The following ANKS1B variants were observed in gnomAD, a reference collection of about 807,000 sequenced individuals.
The protein encoded by ANKS1B is ankyrin repeat and sterile alpha motif domain-containing protein 1B.
Under a neutral mutation model 148.3 loss-of-function variants are expected in ANKS1B, and 36 were observed. The observed-to-expected ratio is 0.24, with a 90% CI of 0.19 to 0.32. The LOEUF (loss-of-function observed/expected upper bound fraction) is 0.32, where lower values mean the gene tolerates loss of function less well. Ranked by LOEUF, ANKS1B falls within the 10% of genes least tolerant of loss-of-function variation. ANKS1B has a pLI of 1.00. For missense variants in ANKS1B, 1,157 were observed against 1,542.6 expected (o/e 0.75, Z 4.19); for synonymous variants, 542 against 560.8 (o/e 0.97, Z 0.47).
intron 9 of ANKS1B, among the ~76,000 whole-genome samples, chr12:99,558,907 C>G (rs2097304823): frequency 6.6e-6 from 1 of 152,196 alleles, no homozygotes; most frequent in African/African-American, 2.4e-5. Flanking sequence ...CTAGGCAGCT[C>G]TCCCTGCCAG....
chr12:99,513,140 A>G (rs904853195), intron 9 of ANKS1B, among the ~76,000 whole-genome samples: 1 of 151,860 alleles, frequency 6.6e-6, no homozygotes, highest in African/African-American at 2.4e-5. Context: ...TCAAGGCAAG[A>G]CCCTCCACCA....
intron 15 of ANKS1B, among the ~76,000 whole-genome samples, chr12:99,123,753 G>A (rs2063558334): frequency 6.6e-6 from 1 of 152,184 alleles, no homozygotes. Flanking sequence ...AGAAGACTCA[G>A]CCAGTCTAGT....
intron 14 of ANKS1B, among the ~76,000 whole-genome samples, chr12:99,234,040 C>G (rs1461020728): frequency 6.6e-6 from 1 of 152,038 alleles, no homozygotes; most frequent in African/African-American, 2.4e-5. Flanking sequence ...AGATTTTATT[C>G]TCCCAATTGT....
intron 1 of ANKS1B, among the ~76,000 whole-genome samples, chr12:99,867,396 G>A (rs2090901287): frequency 6.6e-6 from 1 of 152,080 alleles, no homozygotes; most frequent in Admixed American, 6.6e-5. Flanking sequence ...TCACACTGTT[G>A]ATGAAGACAT....
At chr12:99,906,843 C>T (rs577835386) in intron 1 of ANKS1B, among the ~76,000 whole-genome samples, 3 of 152,064 alleles carry the variant, frequency 2.0e-5, no homozygotes, top group African/African-American at 7.2e-5. Flanking sequence ...GGGAATATAA[C>T]AATAAATAAA....
chr12:99,160,865 T>A (rs1005787611), intron 14 of ANKS1B, among the ~76,000 whole-genome samples: 2 of 152,208 alleles, frequency 1.3e-5, no homozygotes, highest in East Asian at 3.9e-4. Context: ...CGGCTTTATA[T>A]CTGGGTCCTC....
intron 14 of ANKS1B, among the ~76,000 whole-genome samples, chr12:99,161,789 G>A (rs1036140458): frequency 2.6e-5 from 4 of 152,162 alleles, no homozygotes. Flanking sequence ...AAAAACAATA[G>A]AGCAATCAGC....
At chr12:98,850,519 G>T (rs2099517846) in intron 17 of ANKS1B, among the ~76,000 whole-genome samples, 1 of 124,864 alleles carries the variant, frequency 8.0e-6, no homozygotes, top group South Asian at 2.9e-4. Flanking sequence ...CCAGGCCAGA[G>T]TGCAGTGGCG....
intron 9 of ANKS1B, among the ~76,000 whole-genome samples, chr12:99,598,721 G>A (rs746678147): frequency 1.2e-4 from 19 of 152,118 alleles, no homozygotes; most frequent in Non-Finnish European, 2.5e-4. Flanking sequence ...CAGAGGAGAA[G>A]CATTCCAGAT....
intron 14 of ANKS1B, among the ~76,000 whole-genome samples, chr12:99,160,184 C>T (rs1018554147): frequency 7.9e-5 from 12 of 152,100 alleles, no homozygotes; most frequent in Admixed American, 2.0e-4. Flanking sequence ...TATCTTTTTA[C>T]TCTGTTGATA....
intron 10 of ANKS1B, among the ~76,000 whole-genome samples, chr12:99,488,811 TA>T (rs1166807405): frequency 2.0e-5 from 3 of 152,232 alleles, no homozygotes; most frequent in Non-Finnish European, 4.4e-5. Flanking sequence ...GTAACGTTTA[TA>T]ATTTTCTGTT....
At chr12:99,592,708 T>C (rs1418798157) in intron 9 of ANKS1B, among the ~76,000 whole-genome samples, 1 of 152,120 alleles carries the variant, frequency 6.6e-6, no homozygotes, top group Non-Finnish European at 1.5e-5. Flanking sequence ...TTTGAAGAGA[T>C]TTATTCTGAG....
At chr12:98,904,431 T>C (rs2099776255) in intron 17 of ANKS1B, among the ~76,000 whole-genome samples, 1 of 152,192 alleles carries the variant, frequency 6.6e-6, no homozygotes. Context: ...TCTACAAATT[T>C]CTTTAAAATT....
intron 10 of ANKS1B, among the ~76,000 whole-genome samples, chr12:99,476,298 C>T (rs955433437): frequency 9.9e-5 from 15 of 152,010 alleles, no homozygotes; most frequent in Admixed American, 4.6e-4. Flanking sequence ...GAGGCTAAGG[C>T]GGGAGAATTG....
At chr12:99,562,523 G>A (rs753284391) in intron 9 of ANKS1B, among the ~76,000 whole-genome samples, 2 of 152,174 alleles carry the variant, frequency 1.3e-5, no homozygotes, top group African/African-American at 2.4e-5. Context: ...ACAAAGAACT[G>A]CCTGAGGCTG....
At chr12:98,865,575 G>A (rs1434963707) in intron 17 of ANKS1B, among the ~76,000 whole-genome samples, 1 of 152,142 alleles carries the variant, frequency 6.6e-6, no homozygotes, top group South Asian at 2.1e-4. Flanking sequence ...AATTTACAGA[G>A]TATATTAGAA....
At chr12:98,869,707 G>GTA (rs1291575306) in intron 17 of ANKS1B, among the ~76,000 whole-genome samples, 1 of 69,320 alleles carries the variant, frequency 1.4e-5, no homozygotes, top group Non-Finnish European at 2.7e-5. Flanking sequence ...GTGTATGTGT[G>GTA]TATATATATG....
chr12:98,828,969 T>C (rs2099273085), intron 19 of ANKS1B, among the ~76,000 whole-genome samples: 1 of 152,216 alleles, frequency 6.6e-6, no homozygotes, highest in South Asian at 2.1e-4. Flanking sequence ...CAGGAATGCA[T>C]AACAAGGACA....
chr12:99,650,225 A>C (rs190902031), intron 9 of ANKS1B, among the ~76,000 whole-genome samples: 1 of 101,236 alleles, frequency 9.9e-6, no homozygotes, highest in African/African-American at 3.3e-5. Context: ...ATGATCCTAC[A>C]TTAGGAGAAT....
Sources: gnomAD v4.1 joint callset for allele counts (sites outside exome capture counted in the v4.1 genomes callset) on GRCh38, gnomAD v4.1.1 for gene constraint, MANE v1.5 for transcripts, NCBI Gene and HGNC (gene_info 2026-07-23, HGNC 2026-07-21) for gene names.